Variants in CCDC87 observed in about 807,000 individuals in gnomAD.
The protein encoded by CCDC87 is coiled-coil domain-containing protein 87.
For synonymous variants in CCDC87, 434 were observed against 440.2 expected (o/e 0.99, Z 0.18); for missense variants, 1,072 against 1,041.7 (o/e 1.03, Z -0.40).
rs199906600 is a variant in CCDC87 at position 66,591,835 on chromosome 11, C to A, written c.1181G>T (p.Arg394Leu). The A allele has an allele frequency of 2.4e-5, 39 of 1,613,200 alleles. No homozygotes were observed. The African/African-American group carries it at 4.7e-4, about 19-fold the overall frequency. ...VVTRHPAAGH[R>L]LEELEKMLRN... ...CAACATCTTCTCCAGCTCCTCCAGG[C>A]GATGCCCTGCAGCTGGGTGACGGGT... The change falls in exon 1 of 1, where the codon CGC becomes CTC. Residue 394 changes from arginine to leucine, a missense_variant. Arg to Leu is a moderately radical substitution (Grantham distance 102). Coordinates refer to ENST00000333861, the MANE Select transcript of CCDC87 (RefSeq NM_018219.3).
rs377553767 is a variant in CCDC87 at position 66,591,096 on chromosome 11, C to T, written c.1920G>A (p.Leu640=). Residue 640 remains leucine, a synonymous_variant, in exon 1 of 1, where the codon TTG becomes TTA. Coordinates refer to ENST00000333861, the MANE Select transcript of CCDC87 (RefSeq NM_018219.3). ...CAAAGTCTGGTTCTTCATCTTCTAG[C>T]AATGGGGGAGGGTGCTGAATCTCTA... The part of the protein sequence containing the change: ...ESLEIQHPPP[L]LEDEEPDFVP... 9 of 1,614,012 alleles carry T rather than the reference C, an allele frequency of 5.6e-6. No individual in the cohort carries two copies. Among genetic ancestry groups the T allele is most frequent in the South Asian group, 1.1e-5 (1 of 91,088 alleles).
chr11:66,590,543 G>A lies in CCDC87; in HGVS notation c.2473C>T (p.Arg825Trp), dbSNP rs774515981. The A allele has an allele frequency of 3.1e-6, 5 of 1,614,106 alleles. No homozygotes were observed. Among genetic ancestry groups the A allele is most frequent in the East Asian group, 2.2e-5 (1 of 44,882 alleles). Residue 825 changes from arginine to tryptophan, a missense_variant, in exon 1 of 1, where the codon CGG (arginine) becomes TGG (tryptophan). By Grantham distance (101) the Arg-to-Trp change is moderately radical (BLOSUM62 -3). Coordinates refer to ENST00000333861, the MANE Select transcript of CCDC87 (RefSeq NM_018219.3). ...AGGGCCGAGACCAGGTGGCGAACCC[G>A]CCGCTGCTGTTGCAGCCAATAGAGC... The part of the protein sequence containing the change: ...EMLYWLQQQR[R>W]VRHLVSALKD...
rs550209025 is a variant in CCDC87 at position 66,592,699 on chromosome 11, T to C, written c.317A>G (p.His106Arg). 5.8e-5 allele frequency: 94 copies of C among 1,614,140 alleles called. No homozygotes were observed. The highest frequency in any genetic ancestry group is 7.8e-5 in the Non-Finnish European group (92 of 1,180,030). The change falls in exon 1 of 1, where the codon CAC becomes CGC. Residue 106 changes from histidine to arginine, a missense_variant. By Grantham distance (29) the His-to-Arg change is conservative. Transcript: ENST00000333861. ...REPPAELSLS[H>R]KNNQKLRKRL... ...CTTCCGCAGCTTCTGGTTGTTTTTG[T>C]GGCTCAGACTAAGTTCGGCGGGCGG...
At position 66,590,848 on chromosome 11, in the gene CCDC87, C is replaced by T. The variant is rs201450672; in HGVS notation, c.2168G>A (p.Arg723Gln). The T allele has an allele frequency of 3.7e-5, 60 of 1,613,896 alleles. No homozygotes were observed. The East Asian group carries it at 7.4e-4, about 20-fold the overall frequency. ...CCGCAGCTGAATGGGCTTCAGGGCC[C>T]GCTCCCAGGCATTCACCAATGAAGG... ...QLPSLVNAWE[R>Q]ALKPIQLREA... Residue 723 changes from arginine to glutamine, a missense_variant, in exon 1 of 1, where the codon CGG becomes CAG. Transcript: ENST00000333861.
In CCDC87 at chr11:66,592,088, G is replaced by C; in HGVS notation, c.928C>G (p.Gln310Glu). The C allele has an allele frequency of 6.2e-7, 1 of 1,602,206 alleles. No individual in the cohort carries two copies. Residue 310 changes from glutamine to glutamate, a missense_variant, in exon 1 of 1, where the codon CAA becomes GAA. Transcript: ENST00000333861. ...SPFCPELRRG[Q>E]SMPSLREGWR... Reference sequence around the variant, plus strand: ...CCCTCACGCAGGGAGGGCATGGATTGGCCTCTCCGGAGCTCAGGGCAGAAA... The same window carrying C: ...CCCTCACGCAGGGAGGGCATGGATTCGCCTCTCCGGAGCTCAGGGCAGAAA...
At position 66,591,494 on chromosome 11, in the gene CCDC87, G is replaced by C. The variant is rs763113685; in HGVS notation, c.1522C>G (p.His508Asp). 6 of 1,614,176 alleles carry C rather than the reference G, an allele frequency of 3.7e-6. No individual in the cohort carries two copies. The South Asian group carries it at 6.6e-5, about 18-fold the overall frequency. The change falls in exon 1 of 1, where the codon CAT becomes GAT. Residue 508 changes from histidine (H) to aspartate (D), a missense_variant. Physicochemically the swap from His to Asp is moderately conservative, Grantham distance 81. Transcript: ENST00000333861. Reference protein sequence around the residue: ...LMSHVSSDHLHFDQGPLVEPA... With the variant: ...LMSHVSSDHLDFDQGPLVEPA... ...TCAACTAGGGGCCCTTGATCAAAAT[G>C]TAAGTGGTCAGAAGAGACATGGCTC...
In CCDC87 at chr11:66,592,051, G is replaced by T. The variant is rs1858374546; in HGVS notation, c.965C>A (p.Ala322Glu). The T allele has an allele frequency of 1.9e-6, 3 of 1,613,024 alleles. No homozygotes were observed. Among genetic ancestry groups the T allele is most frequent in the Admixed American group, 1.7e-5 (1 of 59,936 alleles). The change falls in exon 1 of 1, where the codon GCA (alanine) becomes GAA (glutamate). Residue 322 changes from alanine (A) to glutamate (E), a missense_variant. Physicochemically the swap from Ala to Glu is moderately radical, Grantham distance 107. Transcript: ENST00000333861. The stretch of plus-strand genomic sequence containing the variant: ...GAGTGGAGGAAGGCCCAACTCATCT[G>T]CCAGCCTCCAGCCCTCACGCAGGGA... ...MPSLREGWRL[A>E]DELGLPPLPS...
chr11:66,591,988 T>G lies in CCDC87; in HGVS notation c.1028A>C (p.Glu343Ala). The change falls in exon 1 of 1, where the codon GAG becomes GCG. Residue 343 changes from glutamate (E) to alanine (A), a missense_variant. Transcript: ENST00000333861. ...RPLTPLVLAT[E>A]SKPELTGLIV... Reference sequence around the variant, plus strand: ...GAGCCCAGTCAGCTCTGGTTTGCTCTCTGTAGCCAAGACCAGCGGGGTTAA... The same window carrying G: ...GAGCCCAGTCAGCTCTGGTTTGCTCGCTGTAGCCAAGACCAGCGGGGTTAA... The G allele has an allele frequency of 6.2e-7, 1 of 1,613,910 alleles. No homozygotes were observed. Among genetic ancestry groups the G allele is most frequent in the Non-Finnish European group, 8.5e-7 (1 of 1,180,016 alleles).
rs777483736 is a variant in CCDC87, at chr11:66,591,500, GGTCAGAA to G, written c.1509_1515del (p.Ser504ThrfsTer9). 1.2e-5 allele frequency: 20 copies of G among 1,614,120 alleles called. No individual in the cohort carries two copies. Among genetic ancestry groups the G allele is most frequent in the Non-Finnish European group, 1.7e-5 (20 of 1,180,032 alleles). On this transcript the variant is annotated frameshift_variant, in exon 1 of 1. Coordinates refer to ENST00000333861, the MANE Select transcript of CCDC87 (RefSeq NM_018219.3). LOFTEE classifies it low-confidence loss of function (END_TRUNC). The stretch of plus-strand genomic sequence containing the variant: ...AGGGGCCCTTGATCAAAATGTAAGT[GGTCAGAA>G]GAGACATGGCTCATCAACTCCTTGT...
rs138056551 is a variant in CCDC87 at position 66,591,598 on chromosome 11, A to G, written c.1418T>C (p.Leu473Pro). The change falls in exon 1 of 1, where the codon CTG (leucine) becomes CCG (proline). Residue 473 changes from leucine (L) to proline (P), a missense_variant. Transcript: ENST00000333861. ...GALYNHLAGE[L>P]DPKAIEKMDI... ...CATTTTTTCAATGGCTTTGGGATCCAGTTCACCAGCCAGATGGTTATACAG... is the reference window on the plus strand; with the variant it reads ...CATTTTTTCAATGGCTTTGGGATCCGGTTCACCAGCCAGATGGTTATACAG... 129 of 1,614,154 alleles carry G rather than the reference A, an allele frequency of 8.0e-5. 1 individual carries two copies. In the African/African-American group the frequency reaches 1.5e-3, roughly 19 times the overall value.
At position 66,590,242 on chromosome 11, in the gene CCDC87, ATTCT is replaced by A. The variant is rs1366420059; in HGVS notation, c.*220_*223del. ...CATAATGGGACTACTAGGCTTGGGG[ATTCT>A]TTCATGAGAATTTCACTAAGAAAAC... On this transcript the variant is annotated 3_prime_UTR_variant, in exon 1 of 1. Coordinates refer to ENST00000333861, the MANE Select transcript of CCDC87 (RefSeq NM_018219.3). The A allele has an allele frequency of 5.8e-6, 3 of 520,328 alleles. No individual in the cohort carries two copies. The highest frequency in any genetic ancestry group is 1.0e-5 in the Non-Finnish European group (3 of 298,228). 32.2% of individuals were successfully genotyped at this position (520,328 alleles called of 1,614,324 possible). A position where few individuals can be genotyped will look rare whatever the true frequency, so the allele number is the denominator to read the frequency against.
Position 66,592,544 on chromosome 11 carries a change from G to A in CCDC87, c.472C>T (p.Leu158Phe), listed in dbSNP as rs151064106. 7 of 1,612,964 alleles carry A rather than the reference G, an allele frequency of 4.3e-6. No individual in the cohort carries two copies. In the African/African-American group the frequency reaches 9.3e-5, roughly 22 times the overall value. The change falls in exon 1 of 1, where the codon CTC (leucine) becomes TTC (phenylalanine). Residue 158 changes from leucine (L) to phenylalanine (F), a missense_variant. Coordinates refer to ENST00000333861, the MANE Select transcript of CCDC87 (RefSeq NM_018219.3). ...SATLTRLAAS[L>F]ARDCTLFLTS... ...AGGAAGAGTGTGCAGTCCCTGGCGAGGCTGGCGGCCAACCGGGTGAGGGTG... is the reference window on the plus strand; with the variant it reads ...AGGAAGAGTGTGCAGTCCCTGGCGAAGCTGGCGGCCAACCGGGTGAGGGTG...
rs1010455946 is a variant in CCDC87 at position 66,592,658 on chromosome 11, C to T, written c.358G>A (p.Val120Met). 5.0e-6 allele frequency: 8 copies of T among 1,613,670 alleles called. No homozygotes were observed. Among genetic ancestry groups the T allele is most frequent in the Admixed American group, 3.3e-5 (2 of 59,986 alleles). The change falls in exon 1 of 1, where the codon GTG becomes ATG. Residue 120 changes from valine (V) to methionine (M), a missense_variant. Transcript: ENST00000333861. Reference protein sequence around the residue: ...QKLRKRLEAYVLLSSEQLFLR... With the variant: ...QKLRKRLEAYMLLSSEQLFLR... ...AAGAGCTGCTCGCTGCTCAGCAGCA[C>T]GTAGGCCTCGAGCCGCTTCCGCAGC...
Position 66,591,936 on chromosome 11 carries a change from C to T in CCDC87, c.1080G>A (p.Leu360=). ...GLIVAEDLKQ[L]IKKMKLEGTR... Reference sequence around the variant, plus strand: ...TCCCCTCCAACTTCATCTTCTTTATCAACTGCTTCAGATCCTCAGCCACGA... The same window carrying T: ...TCCCCTCCAACTTCATCTTCTTTATTAACTGCTTCAGATCCTCAGCCACGA... The change falls in exon 1 of 1, where the codon TTG becomes TTA. Residue 360 remains leucine (L), a synonymous_variant. Coordinates refer to ENST00000333861, the MANE Select transcript of CCDC87 (RefSeq NM_018219.3). 6.2e-7 allele frequency: 1 copy of T among 1,613,892 alleles called. No homozygotes were observed. The highest frequency in any genetic ancestry group is 8.5e-7 in the Non-Finnish European group (1 of 1,180,030).
Position 66,590,408 on chromosome 11 carries a change from G to C in CCDC87, c.*58C>G. On this transcript the variant is annotated 3_prime_UTR_variant, in exon 1 of 1. Transcript: ENST00000333861. ...AGCTGCTGGCCATTTAGGGGTGAGG[G>C]AGGCATTTGAGGGCACTGGGCCTGG... is the stretch of plus-strand genomic sequence containing the variant. The C allele has an allele frequency of 7.6e-7, 1 of 1,321,564 alleles. No homozygotes were observed. Among genetic ancestry groups the C allele is most frequent in the Non-Finnish European group, 1.1e-6 (1 of 951,084 alleles). The allele number at this position is 1,321,564 out of a possible 1,614,324, so 81.9% of individuals were successfully genotyped here. A position where few individuals can be genotyped will look rare whatever the true frequency, so the allele number is the denominator to read the frequency against.
Position 66,591,621 on chromosome 11 carries a change from C to G in CCDC87, c.1395G>C (p.Leu465=). 6.2e-7 allele frequency: 1 copy of G among 1,614,078 alleles called. No individual in the cohort carries two copies. The highest frequency in any genetic ancestry group is 1.3e-5 in the African/African-American group (1 of 75,056). ...CCAGTTCACCAGCCAGATGGTTATACAGGGCTCCGGCCCCCTCAATGTGGA... is the reference window on the plus strand; with the variant it reads ...CCAGTTCACCAGCCAGATGGTTATAGAGGGCTCCGGCCCCCTCAATGTGGA... ...DSFHIEGAGA[L]YNHLAGELDP... Residue 465 remains leucine (L), a synonymous_variant, in exon 1 of 1, where the codon CTG becomes CTC. Transcript: ENST00000333861.
rs1426059479 is a variant in CCDC87, at chr11:66,592,615, A to T, written c.401T>A (p.Leu134Gln). 1.2e-6 allele frequency: 2 copies of T among 1,613,846 alleles called. No individual in the cohort carries two copies. The highest frequency in any genetic ancestry group is 1.1e-5 in the South Asian group (1 of 91,086). The change falls in exon 1 of 1, where the codon CTG becomes CAG. Residue 134 changes from leucine (L) to glutamine (Q), a missense_variant. By Grantham distance (113) the Leu-to-Gln change is moderately radical (BLOSUM62 -2). Transcript: ENST00000333861. ...CCTGGGAGTCGACATGGTCACCAGCAGGTGCAGGTAGCGCAAGAAGAGCTG... is the reference window on the plus strand; with the variant it reads ...CCTGGGAGTCGACATGGTCACCAGCTGGTGCAGGTAGCGCAAGAAGAGCTG... ...SEQLFLRYLH[L>Q]LVTMSTPRGV...
In CCDC87 at chr11:66,590,808, C is replaced by T. The variant is rs767035064; in HGVS notation, c.2208G>A (p.Ala736=). ...KPIQLREALL[A]RLEWFEGQAS... Reference sequence around the variant, plus strand: ...CTTGTCCCTCAAACCACTCTAGTCTCGCCAGCAATGCCTCCCGCAGCTGAA... The same window carrying T: ...CTTGTCCCTCAAACCACTCTAGTCTTGCCAGCAATGCCTCCCGCAGCTGAA... Residue 736 remains alanine, a synonymous_variant, in exon 1 of 1, where the codon GCG becomes GCA. Coordinates refer to ENST00000333861, the MANE Select transcript of CCDC87 (RefSeq NM_018219.3). 7.4e-6 allele frequency: 12 copies of T among 1,613,378 alleles called. No individual in the cohort carries two copies. In the South Asian group the frequency reaches 8.8e-5, roughly 12 times the overall value.
rs1372416681 is a variant in CCDC87, at chr11:66,590,387, G to C, written c.*79C>G. ...AGCAGTAAAGAGGTCTAGATGAGCT[G>C]CTGGCCATTTAGGGGTGAGGGAGGC... On this transcript the variant is annotated 3_prime_UTR_variant, in exon 1 of 1. Transcript: ENST00000333861. The C allele has an allele frequency of 9.3e-7, 1 of 1,074,114 alleles. No individual in the cohort carries two copies. The highest frequency in any genetic ancestry group is 1.4e-6 in the Non-Finnish European group (1 of 728,668). 66.5% of individuals were successfully genotyped at this position (1,074,114 alleles called of 1,614,324 possible).
Sources: allele counts gnomAD v4.1 joint callset, GRCh38; gene constraint gnomAD v4.1.1; transcripts MANE v1.5; gene names NCBI Gene and HGNC (gene_info 2026-07-23, HGNC 2026-07-21).